Variants in RIN3 observed in about 807,000 individuals in gnomAD.
The protein encoded by RIN3 is RAB5 interacting protein 3.
RIN3 carries 54 observed loss-of-function variants against 76.3 expected under a neutral mutation model. That is an observed-to-expected ratio of 0.71 (90% CI 0.57 to 0.89). The LOEUF (loss-of-function observed/expected upper bound fraction) is 0.89. Ranked by LOEUF, RIN3 falls within the 40% of genes least tolerant of loss-of-function variation. The pLI is 0.00. For missense variants in RIN3, 1,256 were observed against 1,322.1 expected (o/e 0.95, Z 0.78); for synonymous variants, 576 against 564.0 (o/e 1.02, Z -0.30).
chr14:92,586,948 T>A (rs74072977), intron 3 of RIN3, among the ~76,000 whole-genome samples: 4,255 of 152,174 alleles, frequency 0.028, 201 homozygotes, highest in African/African-American at 0.098. Flanking sequence ...TTAAGCTGAG[T>A]CCACAGCCTG....
chr14:92,567,626 T>G (rs1445276546), intron 2 of RIN3, among the ~76,000 whole-genome samples: 11 of 65,084 alleles, frequency 1.7e-4, no homozygotes, highest in Non-Finnish European at 2.8e-4. Flanking sequence ...TCTGCTGCAT[T>G]TTTTTTTTTT....
intron 7 of RIN3, among the ~76,000 whole-genome samples, chr14:92,675,987 G>A (rs769505355): frequency 6.6e-6 from 1 of 152,032 alleles, no homozygotes; most frequent in East Asian, 1.9e-4. Flanking sequence ...CACTGTTTAC[G>A]CCAAAAAAAG....
At chr14:92,577,287 A>T in intron 2 of RIN3, 73 bp from the exon 3 acceptor site, 1 of 1,002,206 alleles carries the variant, frequency 1.0e-6, no homozygotes, top group Non-Finnish European at 1.6e-6. Flanking sequence ...GATGACTTCC[A>T]TCTCGTGGTT....
Position 92,550,275 on chromosome 14 carries a change from GA to G in RIN3, c.45-5471del, listed in dbSNP as rs1188687404. On this transcript the variant is annotated intron_variant, in intron 1 of 9. Transcript: ENST00000216487. ...TTATAACTCGGGGGTTGGAGGGTTG[GA>G]AAAACTGTAACATTTACTGAATAGT... Among the ~76,000 whole-genome samples, 11 of 152,330 alleles carry G rather than the reference GA, an allele frequency of 7.2e-5. No individual in the cohort carries two copies. The East Asian group carries it at 2.1e-3, about 29-fold the overall frequency.
chr14:92,633,865 G>GTGTGTGTGTGTGTT (rs1566877955), intron 4 of RIN3, among the ~76,000 whole-genome samples: 1 of 144,436 alleles, frequency 6.9e-6, no homozygotes, highest in African/African-American at 2.5e-5. Flanking sequence ...TGGTGTGTGT[G>GTGTGTGTGTGTGTT]TGTGTGTGTG....
intron 1 of RIN3, among the ~76,000 whole-genome samples, chr14:92,535,686 T>C (rs1354396058): frequency 1.3e-5 from 2 of 149,094 alleles, no homozygotes; most frequent in Admixed American, 6.6e-5. Context: ...TTTTTTTTTT[T>C]TTTTTTTAGA....
chr14:92,542,011 G>A (rs1897141615), intron 1 of RIN3, among the ~76,000 whole-genome samples: 1 of 152,182 alleles, frequency 6.6e-6, no homozygotes, highest in African/African-American at 2.4e-5. Context: ...GCCAATAATG[G>A]GTCAGGCGTG....
At chr14:92,673,966 CA>C (rs1299998350) in intron 7 of RIN3, among the ~76,000 whole-genome samples, 4 of 152,218 alleles carry the variant, frequency 2.6e-5, no homozygotes, top group Admixed American at 2.0e-4. Flanking sequence ...ATTTTAGATA[CA>C]GTCGTTGTTT....
chr14:92,626,999 T>C (rs574234937), intron 4 of RIN3, among the ~76,000 whole-genome samples: 1 of 152,316 alleles, frequency 6.6e-6, no homozygotes, highest in Admixed American at 6.5e-5. Flanking sequence ...GGTTTGCGGA[T>C]GGGTTCCTTG....
intron 8 of RIN3, among the ~76,000 whole-genome samples, chr14:92,678,219 C>G (rs1595506258): frequency 6.7e-6 from 1 of 150,068 alleles, no homozygotes; most frequent in African/African-American, 2.5e-5. Flanking sequence ...CCCATTCACC[C>G]ACCCATCCAT....
At chr14:92,555,628 C>A in intron 1 of RIN3, 123 bp from the exon 2 acceptor site, 1 of 888,752 alleles carries the variant, frequency 1.1e-6, no homozygotes, top group Non-Finnish European at 1.8e-6. Flanking sequence ...TTTTTTAATT[C>A]CCCAAAGGGC....
At chr14:92,638,377 G>C (rs955518544) in intron 4 of RIN3, among the ~76,000 whole-genome samples, 1 of 152,220 alleles carries the variant, frequency 6.6e-6, no homozygotes, top group African/African-American at 2.4e-5. Context: ...CGGATGTTGG[G>C]GGGGCAAGCC....
In RIN3 at chr14:92,568,831, G is replaced by A. The variant is rs956461928; in HGVS notation, c.250-8529G>A. Among the ~76,000 whole-genome samples the A allele has an allele frequency of 6.6e-6, 1 of 152,258 alleles. No individual in the cohort carries two copies. Among genetic ancestry groups the A allele is most frequent in the Non-Finnish European group, 1.5e-5 (1 of 68,046 alleles). On this transcript the variant is annotated intron_variant, in intron 2 of 9. Coordinates refer to ENST00000216487, the MANE Select transcript of RIN3 (RefSeq NM_024832.5). The surrounding 1 kb of genome is among the most constrained non-coding windows in gnomAD (Gnocchi z 4.2). ...TGCTGAAAGGGTGGGTGATGGGTTC[G>A]GAGCTGGGGAGCTGGCAGAGTCCAA...
intron 3 of RIN3, among the ~76,000 whole-genome samples, chr14:92,613,574 G>A (rs779193346): frequency 1.3e-5 from 2 of 152,150 alleles, no homozygotes; most frequent in Non-Finnish European, 2.9e-5. Context: ...ATCACTATAA[G>A]CATCTCACAG....
intron 1 of RIN3, among the ~76,000 whole-genome samples, chr14:92,539,976 A>C (rs1229252254): frequency 6.6e-6 from 1 of 152,072 alleles, no homozygotes; most frequent in African/African-American, 2.4e-5. Flanking sequence ...CGGCACCACC[A>C]GGCCTCCACA....
At chr14:92,668,078 T>C (rs935332823) in intron 7 of RIN3, among the ~76,000 whole-genome samples, 2 of 152,182 alleles carry the variant, frequency 1.3e-5, no homozygotes, top group Non-Finnish European at 2.9e-5. Flanking sequence ...CTTCCATCTG[T>C]CTTGTCATGT....
rs1422536399 is a variant in RIN3 at position 92,685,207 on chromosome 14, C to A, written c.2631+57C>A. On this transcript the variant is annotated intron_variant, in intron 9 of 9. Coordinates refer to ENST00000216487, the MANE Select transcript of RIN3 (RefSeq NM_024832.5). This position sits in a 1 kb window ranked among gnomAD's most constrained non-coding sequence, Gnocchi z 4.7. ...GGCCATGTCCCAGACACCATCCCTG[C>A]TGCCTGCTGGCTAAGGAGCCGTGAC... 12 of 1,503,596 alleles carry A rather than the reference C, an allele frequency of 8.0e-6. No individual in the cohort carries two copies. The highest frequency in any genetic ancestry group is 1.1e-5 in the Non-Finnish European group (12 of 1,114,552). 93.1% of individuals were successfully genotyped at this position (1,503,596 alleles called of 1,614,324 possible). A position where few individuals can be genotyped will look rare whatever the true frequency, so the allele number is the denominator to read the frequency against.
rs769906290 is a variant in RIN3, at chr14:92,685,129, G to T, written c.2610G>T (p.Arg870=). The change falls in exon 9 of 10, where the codon CGG becomes CGT. Residue 870 remains arginine, a synonymous_variant. Coordinates refer to ENST00000216487, the MANE Select transcript of RIN3 (RefSeq NM_024832.5). This position sits in a 1 kb window ranked among gnomAD's most constrained non-coding sequence, Gnocchi z 4.7. ...WERRRTLNKA[R]ASRSSVQDFI... The stretch of plus-strand genomic sequence containing the variant: ...GCCGGCGTACTCTCAACAAGGCCCG[G>T]GCCTCCCGCTCCTCCGTACAGGTGA... 6.2e-7 allele frequency: 1 copy of T among 1,612,406 alleles called. No individual in the cohort carries two copies. Among genetic ancestry groups the T allele is most frequent in the Non-Finnish European group, 8.5e-7 (1 of 1,179,290 alleles).
intron 4 of RIN3, among the ~76,000 whole-genome samples, chr14:92,631,638 G>C (rs1053694317): frequency 6.6e-6 from 1 of 151,960 alleles, no homozygotes; most frequent in Admixed American, 6.5e-5. Flanking sequence ...GTCTCACTCT[G>C]TCACCAGGCT....
Sources: gnomAD v4.1 joint callset for allele counts (sites outside exome capture counted in the v4.1 genomes callset) on GRCh38, gnomAD v4.1.1 for gene constraint, Gnocchi (gnomAD v3.1) non-coding constraint, MANE v1.5 for transcripts, NCBI Gene and HGNC (gene_info 2026-07-23, HGNC 2026-07-21) for gene names.